UST: variants seen among roughly 807,000 people sequenced by gnomAD.
UST encodes chondroitin sulfate 2-O-sulfotransferase.
In UST, 21 loss-of-function variants were observed where a neutral mutation model predicts 45.6. That is an observed-to-expected ratio of 0.46 (90% CI 0.33 to 0.66). The LOEUF is 0.66. UST is among the 30% of genes least tolerant of loss of function. The probability of loss-of-function intolerance (pLI) is 0.02; values close to 1 mark genes in which losing one functional copy is unlikely to be tolerated. For missense variants in UST, 463 were observed against 512.4 expected (o/e 0.90, Z 0.93); for synonymous variants, 215 against 200.6 (o/e 1.07, Z -0.61).
rs530481060 is a variant in UST, at chr6:148,850,161, A to G, written c.248-36825A>G. Among the ~76,000 whole-genome samples the G allele has an allele frequency of 1.2e-3, 185 of 152,268 alleles. 1 individual carries two copies. Among genetic ancestry groups the G allele is most frequent in the African/African-American group, 3.8e-3 (157 of 41,550 alleles). On this transcript the variant is annotated intron_variant, in intron 1 of 7. Transcript: ENST00000367463. Reference sequence around the variant, plus strand: ...CTTTTTGAAAATTATACTTTAGTCAATTCTGTGATACAGATACTATTATTA... The same window carrying G: ...CTTTTTGAAAATTATACTTTAGTCAGTTCTGTGATACAGATACTATTATTA...
chr6:149,061,007 G>T (rs114215651), intron 7 of UST, among the ~76,000 whole-genome samples: 3,232 of 152,252 alleles, frequency 0.021, 105 homozygotes, highest in African/African-American at 0.073. Context: ...AGGGAAGAGG[G>T]CTCTGGTCAG....
intron 1 of UST, among the ~76,000 whole-genome samples, chr6:148,830,874 G>A (rs1344440435): frequency 1.3e-5 from 2 of 152,202 alleles, no homozygotes; most frequent in East Asian, 3.9e-4. Context: ...GTTATGGAGA[G>A]GGATAGTGGT....
chr6:149,044,049 TAG>T (rs955542075), intron 7 of UST, among the ~76,000 whole-genome samples: 4 of 152,212 alleles, frequency 2.6e-5, no homozygotes, highest in African/African-American at 7.2e-5. Context: ...ATTGTTAAAA[TAG>T]AGTTTCACAG....
intron 1 of UST, among the ~76,000 whole-genome samples, chr6:148,862,688 G>A (rs888498485): frequency 6.6e-6 from 1 of 152,120 alleles, no homozygotes; most frequent in Non-Finnish European, 1.5e-5. Context: ...TTTAGGGCAG[G>A]CCTGGTGGTG....
intron 1 of UST, among the ~76,000 whole-genome samples, chr6:148,789,341 A>G (rs1259078787): frequency 2.0e-5 from 3 of 151,504 alleles, no homozygotes; most frequent in Non-Finnish European, 4.4e-5. Context: ...CCCCAACCCC[A>G]CTGAATTTCT....
intron 3 of UST, among the ~76,000 whole-genome samples, chr6:148,949,395 A>AAATAATAAT (rs71007932): frequency 0.028 from 3,764 of 136,804 alleles, 151 homozygotes; most frequent in African/African-American, 0.092. Flanking sequence ...CTTTGTCTCA[A>AAATAATAAT]AATAATAATA....
intron 7 of UST, among the ~76,000 whole-genome samples, chr6:149,046,975 G>A (rs1934220): frequency 0.24 from 35,753 of 152,046 alleles, 4,382 homozygotes; most frequent in Admixed American, 0.26. Context: ...CTTCTTGGCC[G>A]TGTCTCTGTT....
intron 5 of UST, among the ~76,000 whole-genome samples, chr6:149,001,825 TA>T (rs1193949312): frequency 7.2e-5 from 11 of 152,208 alleles, no homozygotes; most frequent in Admixed American, 2.6e-4. Context: ...GTTTGTATGT[TA>T]AAAAAAGATT....
chr6:148,956,569 G>A lies in UST; in HGVS notation c.527+2618G>A, dbSNP rs535420347. Among the ~76,000 whole-genome samples, 154 of 152,250 alleles carry A rather than the reference G, an allele frequency of 1.0e-3. 1 individual carries two copies. The highest frequency in any genetic ancestry group is 1.7e-3 in the Non-Finnish European group (119 of 68,004). On this transcript the variant is annotated intron_variant, in intron 4 of 7. Transcript: ENST00000367463. ...CAAGATAAGATTTGGGTGGGGACAC[G>A]GAGCCAAAACATATCAGATGCTGTA...
intron 5 of UST, among the ~76,000 whole-genome samples, chr6:149,010,895 CAAAA>C (rs1172538648): frequency 3.0e-4 from 20 of 65,614 alleles, no homozygotes; most frequent in South Asian, 1.7e-3. Context: ...CCGTCTCAAC[CAAAA>C]AAAAAAAAAA....
At chr6:148,920,128 G>C (rs1238673909) in intron 2 of UST, among the ~76,000 whole-genome samples, 1 of 152,218 alleles carries the variant, frequency 6.6e-6, no homozygotes, top group Admixed American at 6.5e-5. Flanking sequence ...GGTCTGATCA[G>C]TTGGTAGCCT....
intron 1 of UST, among the ~76,000 whole-genome samples, chr6:148,772,176 G>T (rs984345625): frequency 1.3e-5 from 2 of 152,208 alleles, no homozygotes; most frequent in African/African-American, 4.8e-5. Context: ...AAAGGAGAGA[G>T]AATAGAATAT....
chr6:148,844,865 A>G (rs1030517800), intron 1 of UST, among the ~76,000 whole-genome samples: 1 of 152,038 alleles, frequency 6.6e-6, no homozygotes, highest in African/African-American at 2.4e-5. Context: ...CCTCCCACTT[A>G]CAGGTGAGAA....
intron 7 of UST, among the ~76,000 whole-genome samples, chr6:149,039,144 C>T (rs983640518): frequency 1.3e-5 from 2 of 152,152 alleles, no homozygotes; most frequent in African/African-American, 4.8e-5. Flanking sequence ...CTGTAACACA[C>T]GTGCATTACA....
intron 1 of UST, among the ~76,000 whole-genome samples, chr6:148,761,523 C>A (rs1206740492): frequency 2.1e-4 from 30 of 144,956 alleles, no homozygotes; most frequent in South Asian, 2.2e-4. Flanking sequence ...GACAACGTGC[C>A]AAAAAAAAAA....
intron 1 of UST, among the ~76,000 whole-genome samples, chr6:148,774,619 G>C (rs1177393702): frequency 6.6e-6 from 1 of 152,144 alleles, no homozygotes; most frequent in Non-Finnish European, 1.5e-5. Context: ...TAATCTGTTA[G>C]AACAAAAATC....
chr6:148,948,912 C>A (rs1384265937), intron 3 of UST, among the ~76,000 whole-genome samples: 1 of 152,110 alleles, frequency 6.6e-6, no homozygotes, highest in African/African-American at 2.4e-5. Context: ...TCAATCCTGG[C>A]TTTACCTCTT....
intron 7 of UST, among the ~76,000 whole-genome samples, chr6:149,048,678 ATT>A (rs1236581749): frequency 6.6e-6 from 1 of 152,202 alleles, no homozygotes; most frequent in Non-Finnish European, 1.5e-5. Context: ...AACATGAAGC[ATT>A]TTTTACAAAT....
intron 1 of UST, 46 bp from the exon 2 acceptor site, chr6:148,886,940 T>C: frequency 6.6e-7 from 1 of 1,518,624 alleles, no homozygotes; most frequent in Non-Finnish European, 9.1e-7. Context: ...TAAATTCATT[T>C]GGGATTTAAA....
Sources: gnomAD v4.1 joint callset for allele counts (sites outside exome capture counted in the v4.1 genomes callset) on GRCh38, gnomAD v4.1.1 for gene constraint, MANE v1.5 for transcripts, NCBI Gene and HGNC (gene_info 2026-07-23, HGNC 2026-07-21) for gene names.